Variants in DENND1B observed in about 807,000 individuals in gnomAD.
DENND1B encodes DENN domain-containing protein 1B.
A neutral mutation model predicts 90.1 loss-of-function variants in DENND1B; 59 were observed. The observed-to-expected ratio is 0.65, with a 90% CI of 0.53 to 0.81. DENND1B has a LOEUF of 0.81. Ranked by LOEUF, DENND1B falls within the 40% of genes least tolerant of loss-of-function variation. The probability of loss-of-function intolerance (pLI) is 0.00; values close to 1 mark genes in which losing one functional copy is unlikely to be tolerated. For missense variants in DENND1B, 862 were observed against 912.6 expected, an observed-to-expected ratio of 0.94 and a Z score of 0.71; for synonymous variants, 337 against 324.6, an observed-to-expected ratio of 1.04 and a Z score of -0.41.
chr1:197,761,403 T>C (rs1182237788), intron 2 of DENND1B, among the ~76,000 whole-genome samples: 1 of 152,144 alleles, frequency 6.6e-6, no homozygotes, highest in Non-Finnish European at 1.5e-5. Context: ...ACCACTTCCA[T>C]GCAAGTTTAA....
At chr1:197,747,860 T>G (rs1480857795) in intron 2 of DENND1B, among the ~76,000 whole-genome samples, 2 of 152,226 alleles carry the variant, frequency 1.3e-5, no homozygotes, top group African/African-American at 4.8e-5. Flanking sequence ...CAAGGAAAAC[T>G]GACACAAATT....
Position 197,562,468 on chromosome 1 carries a change from A to C in DENND1B, c.1150-9356T>G, listed in dbSNP as rs190870287. On this transcript the variant is annotated intron_variant, in intron 15 of 22. Transcript: ENST00000620048. ...TTCATTATAATCATATTAGAATTACAGGATTATATTATATGATTATAGTTG... is the reference window on the plus strand; with the variant it reads ...TTCATTATAATCATATTAGAATTACCGGATTATATTATATGATTATAGTTG... 1.3e-4 allele frequency among the ~76,000 whole-genome samples: 20 copies of C among 152,022 alleles called. No individual in the cohort carries two copies. In the East Asian group the frequency reaches 3.7e-3, roughly 28 times the overall value.
intron 2 of DENND1B, among the ~76,000 whole-genome samples, chr1:197,753,826 T>C (rs1458077959): frequency 6.6e-6 from 1 of 151,580 alleles, no homozygotes; most frequent in Non-Finnish European, 1.5e-5. Context: ...CATGGTGAAA[T>C]CCCGTCTCTA....
chr1:197,670,443 CTGTG>C lies in DENND1B; in HGVS notation c.296+1590_296+1593del, dbSNP rs60648023. 3.6e-3 allele frequency among the ~76,000 whole-genome samples: 359 copies of C among 99,544 alleles called. 2 individuals carry two copies. The highest frequency in any genetic ancestry group is 0.026 in the South Asian group (58 of 2,240). The allele number at this position is 99,544 out of a possible 152,430, so 65.3% of individuals were successfully genotyped here. On this transcript the variant is annotated intron_variant, in intron 5 of 22. Transcript: ENST00000620048. ...AACAACAATAAAGGTGGGGGGAAGA[CTGTG>C]TGTGTGTGTGTGTGTGTGTGTGTGT...
At chr1:197,527,640 T>C (rs1669243040) in intron 20 of DENND1B, among the ~76,000 whole-genome samples, 1 of 152,166 alleles carries the variant, frequency 6.6e-6, no homozygotes, top group Admixed American at 6.6e-5. Context: ...TTGATAACAG[T>C]GTTCTCAATA....
chr1:197,577,717 G>A (rs1348198644), intron 15 of DENND1B, among the ~76,000 whole-genome samples: 1 of 152,182 alleles, frequency 6.6e-6, no homozygotes, highest in Non-Finnish European at 1.5e-5. Context: ...CAGAGTTGTG[G>A]ATTTAAGGAA....
chr1:197,596,417 A>G (rs1275628075), intron 13 of DENND1B, among the ~76,000 whole-genome samples: 1 of 151,982 alleles, frequency 6.6e-6, no homozygotes, highest in Admixed American at 6.6e-5. Context: ...TGGTTCTCAT[A>G]TATATTCATC....
At position 197,510,154 on chromosome 1, in the gene DENND1B, T is replaced by TAC. The variant is rs2125588980; in HGVS notation, c.*304_*305dup. 3.2e-6 allele frequency: 1 copy of TAC among 314,384 alleles called. No homozygotes were observed. The highest frequency in any genetic ancestry group is 2.2e-5 in the African/African-American group (1 of 45,732). 19.5% of individuals were successfully genotyped at this position (314,384 alleles called of 1,614,324 possible). On this transcript the variant is annotated 3_prime_UTR_variant, in exon 23 of 23. Transcript: ENST00000620048. ...GTAGCTACTGGTTATGTGCATGGGT[T>TAC]ACATATGCATTCTTAGCTTAAATAA...
In DENND1B at chr1:197,612,722, T is replaced by C. The variant is rs547952413; in HGVS notation, c.774-746A>G. Reference sequence around the variant, plus strand: ...AATTCAACACATGATATTTGGAGCATAGCAGGTGCCAGGCCTTAGGGTAGA... The same window carrying C: ...AATTCAACACATGATATTTGGAGCACAGCAGGTGCCAGGCCTTAGGGTAGA... On this transcript the variant is annotated intron_variant, in intron 11 of 22. Coordinates refer to ENST00000620048, the MANE Select transcript of DENND1B (RefSeq NM_001195215.2). Among the ~76,000 whole-genome samples the C allele has an allele frequency of 4.0e-5, 6 of 150,838 alleles. No homozygotes were observed. The South Asian group carries it at 8.3e-4, about 21-fold the overall frequency.
intron 5 of DENND1B, among the ~76,000 whole-genome samples, chr1:197,662,983 A>G (rs1240832874): frequency 6.6e-6 from 1 of 152,090 alleles, no homozygotes; most frequent in Non-Finnish European, 1.5e-5. Flanking sequence ...AACCCTTCCA[A>G]TTTTAAGTTT....
At chr1:197,721,698 T>C (rs1571499144) in intron 2 of DENND1B, among the ~76,000 whole-genome samples, 1 of 152,056 alleles carries the variant, frequency 6.6e-6, no homozygotes. Flanking sequence ...TTATTACATA[T>C]AGACTTGATA....
intron 2 of DENND1B, among the ~76,000 whole-genome samples, chr1:197,757,696 ACT>A (rs1654489546): frequency 6.6e-6 from 1 of 152,194 alleles, no homozygotes; most frequent in Non-Finnish European, 1.5e-5. Context: ...TAATTTCTGG[ACT>A]TAAATTCAGC....
chr1:197,720,480 A>T (rs1339459686), intron 2 of DENND1B, among the ~76,000 whole-genome samples: 1 of 151,878 alleles, frequency 6.6e-6, no homozygotes, highest in Non-Finnish European at 1.5e-5. Context: ...GGCTCAGGTG[A>T]TCGTACTGCC....
chr1:197,684,595 T>C (rs1657039148), intron 3 of DENND1B, among the ~76,000 whole-genome samples: 1 of 152,176 alleles, frequency 6.6e-6, no homozygotes, highest in Non-Finnish European at 1.5e-5. Flanking sequence ...CAATATGTCA[T>C]AACAAATGTG....
At chr1:197,548,293 C>G (rs1013422656) in intron 16 of DENND1B, among the ~76,000 whole-genome samples, 48 of 152,142 alleles carry the variant, frequency 3.2e-4, no homozygotes, top group African/African-American at 1.1e-3. Context: ...GCAGTCAGTT[C>G]AATGAGAAGG....
intron 20 of DENND1B, among the ~76,000 whole-genome samples, chr1:197,535,160 A>G (rs1669784970): frequency 6.6e-6 from 1 of 152,220 alleles, no homozygotes; most frequent in Non-Finnish European, 1.5e-5. Flanking sequence ...CTCAATTCTC[A>G]GGAGAGAAGG....
chr1:197,537,019 G>GGACA (rs1204323233), intron 20 of DENND1B, among the ~76,000 whole-genome samples: 1 of 149,368 alleles, frequency 6.7e-6, no homozygotes, highest in Admixed American at 6.7e-5. Context: ...CCAGCCTGGG[G>GGACA]GACAGAGCAA....
intron 6 of DENND1B, among the ~76,000 whole-genome samples, chr1:197,653,466 T>C (rs1226385258): frequency 6.6e-6 from 1 of 152,116 alleles, no homozygotes; most frequent in Non-Finnish European, 1.5e-5. Flanking sequence ...CTTTTAAAAA[T>C]TCTTTGCACT....
rs75108956 is a variant in DENND1B at position 197,616,545 on chromosome 1, C to T, written c.773+1114G>A. 6.8e-4 allele frequency among the ~76,000 whole-genome samples: 103 copies of T among 151,126 alleles called. No homozygotes were observed. In the East Asian group the frequency reaches 0.02, roughly 29 times the overall value. ...GCATTATCAATACTAATAATATTAC[C>T]ATGCTGTGGAAACACACCAATATAT... On this transcript the variant is annotated intron_variant, in intron 11 of 22. Transcript: ENST00000620048.
Sources: gnomAD v4.1 joint callset for allele counts (sites outside exome capture counted in the v4.1 genomes callset) on GRCh38, gnomAD v4.1.1 for gene constraint, MANE v1.5 for transcripts, NCBI Gene and HGNC (gene_info 2026-07-23, HGNC 2026-07-21) for gene names.